The following LRR1 variants were observed in gnomAD, a reference collection of about 807,000 sequenced individuals.
The protein encoded by LRR1 is leucine rich repeat protein 1.
Under a neutral mutation model 31.6 loss-of-function variants are expected in LRR1, and 29 were observed. The observed-to-expected ratio is 0.92, with a 90% CI of 0.68 to 1.25. LRR1 has a LOEUF of 1.25. Ranked by LOEUF, LRR1 falls within the 50% of genes most tolerant of loss-of-function variation. The pLI is 0.00. For missense variants in LRR1, 485 were observed against 487.2 expected (o/e 1.00, Z 0.04); for synonymous variants, 179 against 181.4 (o/e 0.99, Z 0.10).
chr14:49,606,668 A>G (rs1174176596), intron 2 of LRR1, among the ~76,000 whole-genome samples: 1 of 111,184 alleles, frequency 9.0e-6, no homozygotes, highest in East Asian at 2.4e-4. Flanking sequence ...TTTTTTTTTT[A>G]ATTTTTCAGA....
At chr14:49,605,596 T>TAA (rs1188142652) in intron 2 of LRR1, among the ~76,000 whole-genome samples, 1 of 152,220 alleles carries the variant, frequency 6.6e-6, no homozygotes, top group Non-Finnish European at 1.5e-5. Context: ...ATAAAACTCT[T>TAA]TCTTTTCTTG....
intron 2 of LRR1, among the ~76,000 whole-genome samples, chr14:49,606,750 G>A (rs955092296): frequency 2.3e-4 from 35 of 150,436 alleles, no homozygotes; most frequent in Admixed American, 2.0e-3. Flanking sequence ...TCCGCCTCCC[G>A]GGTTCAAGCG....
At chr14:49,606,033 CTTTTTTTTTT>C (rs544111582) in intron 2 of LRR1, among the ~76,000 whole-genome samples, 1 of 124,470 alleles carries the variant, frequency 8.0e-6, no homozygotes, top group African/African-American at 3.1e-5. Context: ...TTTTTTTTTT[CTTTTTTTTTT>C]TTTTATATGG....
At chr14:49,608,718 T>TCTAA (rs1566496100) in intron 3 of LRR1, among the ~76,000 whole-genome samples, 1 of 151,766 alleles carries the variant, frequency 6.6e-6, no homozygotes. Context: ...AGATGCAGGT[T>TCTAA]CTAACATTCC....
At chr14:49,599,963 C>T (rs2139529950) in intron 1 of LRR1, 3 of 1,550,694 alleles carry the variant, frequency 1.9e-6, no homozygotes, top group East Asian at 2.3e-5. Flanking sequence ...TCCGGGGGGA[C>T]CATGCCCGGA....
chr14:49,604,188 C>T (rs1882200554), intron 2 of LRR1, among the ~76,000 whole-genome samples: 1 of 151,650 alleles, frequency 6.6e-6, no homozygotes, highest in Admixed American at 6.6e-5. Flanking sequence ...ACCTGTGGTG[C>T]CAGCTACTTG....
intron 2 of LRR1, among the ~76,000 whole-genome samples, chr14:49,605,226 G>A (rs1882236453): frequency 6.6e-6 from 1 of 152,126 alleles, no homozygotes; most frequent in African/African-American, 2.4e-5. Context: ...TCCAAGCAAA[G>A]TGCTCTGCAA....
intron 2 of LRR1, among the ~76,000 whole-genome samples, chr14:49,604,684 C>A (rs1012734093): frequency 6.6e-6 from 1 of 151,998 alleles, no homozygotes; most frequent in Non-Finnish European, 1.5e-5. Context: ...TAGAGCAAGA[C>A]CCTGTCTCAA....
rs373228685 is a variant in LRR1 at position 49,599,156 on chromosome 14, T to C, written c.136T>C (p.Phe46Leu). The change falls in exon 1 of 4, where the codon TTC (phenylalanine) becomes CTC (leucine). Residue 46 changes from phenylalanine (F) to leucine (L), a missense_variant. Physicochemically the swap from Phe to Leu is conservative, Grantham distance 22. Around this residue, in one of 3 missense-constraint regions of LRR1, gnomAD observed 260 missense variants for 249.6 expected, o/e 1.04. Transcript: ENST00000298288. ...CAGGAGTCAGCCGCCGGTCCGAGCC[T>C]TCCTGCTCATCTCCACCCTGAAGGA... is the stretch of plus-strand genomic sequence containing the variant. ...TSRSQPPVRAFLLISTLKDKR... is the reference protein window; with the variant it reads ...TSRSQPPVRALLLISTLKDKR... 1 of 1,609,000 alleles carries C rather than the reference T, an allele frequency of 6.2e-7. No individual in the cohort carries two copies. The highest frequency in any genetic ancestry group is 1.3e-5 in the African/African-American group (1 of 74,844).
chr14:49,608,563 A>G (rs2139547254), intron 3 of LRR1, among the ~76,000 whole-genome samples: 1 of 151,190 alleles, frequency 6.6e-6, no homozygotes, highest in South Asian at 2.1e-4. Context: ...TTTATTCTCC[A>G]CTATTTCCCT....
At position 49,607,990 on chromosome 14, in the gene LRR1, T is replaced by C; in HGVS notation, c.873T>C (p.Phe291=). 6.2e-7 allele frequency: 1 copy of C among 1,614,166 alleles called. No individual in the cohort carries two copies. The highest frequency in any genetic ancestry group is 8.5e-7 in the Non-Finnish European group (1 of 1,180,024). ...AGCTTCCATTTTTGCCTAGTGAATT[T>C]AGAAATTTATCCCTTGAATACTTGG... ...RNKLPFLPSE[F]RNLSLEYLDL... Residue 291 remains phenylalanine (F), a synonymous_variant, in exon 3 of 4, where the codon TTT becomes TTC. Transcript: ENST00000298288.
intron 3 of LRR1, among the ~76,000 whole-genome samples, chr14:49,611,923 CA>C (rs61699129): frequency 0.45 from 56,218 of 125,992 alleles, 10,644 homozygotes; most frequent in Middle Eastern, 0.53. Context: ...GACTGCGTCT[CA>C]AAAAAAAAAA....
intron 3 of LRR1, among the ~76,000 whole-genome samples, chr14:49,613,175 T>TA (rs1203879145): frequency 6.6e-6 from 1 of 151,510 alleles, no homozygotes; most frequent in Non-Finnish European, 1.5e-5. Context: ...CTGCCTCTAC[T>TA]AAAAATACAA....
At position 49,611,215 on chromosome 14, in the gene LRR1, G is replaced by A. The variant is rs113191441; in HGVS notation, c.1005-3041G>A. On this transcript the variant is annotated intron_variant, in intron 3 of 3. Coordinates refer to ENST00000298288, the MANE Select transcript of LRR1 (RefSeq NM_152329.4). ...CTGAAGGCCAGGTGCGGTGGCTCAC[G>A]CCTGTAACCCCAGCACTTTGGGAGA... Among the ~76,000 whole-genome samples the A allele has an allele frequency of 8.3e-3, 1,257 of 152,306 alleles. 15 individuals are homozygous for A. The highest frequency in any genetic ancestry group is 0.029 in the African/African-American group (1,196 of 41,572).
chr14:49,607,727 G>C lies in LRR1; in HGVS notation c.610G>C (p.Glu204Gln). Residue 204 changes from glutamate (E) to glutamine (Q), a missense_variant, in exon 3 of 4, where the codon GAA becomes CAA. This residue lies in a region of LRR1 where 260 missense variants were observed against 249.6 expected (regional missense o/e 1.04). Coordinates refer to ENST00000298288, the MANE Select transcript of LRR1 (RefSeq NM_152329.4). ...ATIGDLIHLQELNLNDNHLES... is the reference protein window; with the variant it reads ...ATIGDLIHLQQLNLNDNHLES... ...AATTGGAGACCTCATACACCTTCAA[G>C]AACTTAACCTGAATGACAATCACTT... 6.2e-7 allele frequency: 1 copy of C among 1,612,540 alleles called. No homozygotes were observed. Among genetic ancestry groups the C allele is most frequent in the South Asian group, 1.1e-5 (1 of 91,004 alleles).
At chr14:49,612,801 G>T (rs1216764234) in intron 3 of LRR1, among the ~76,000 whole-genome samples, 1 of 152,140 alleles carries the variant, frequency 6.6e-6, no homozygotes, top group African/African-American at 2.4e-5. Context: ...AAGACACCGT[G>T]TGGGAGGCAA....
intron 1 of LRR1, chr14:49,601,629 T>C (rs574670768): frequency 3.9e-6 from 5 of 1,289,612 alleles, no homozygotes; most frequent in African/African-American, 3.0e-5. Flanking sequence ...CACCCCAGGC[T>C]AATGGACTGA....
At chr14:49,613,800 G>A (rs1466823174) in intron 3 of LRR1, among the ~76,000 whole-genome samples, 1 of 152,178 alleles carries the variant, frequency 6.6e-6, no homozygotes, top group Non-Finnish European at 1.5e-5. Context: ...GTGTCAAAGC[G>A]AGACTCTGTC....
intron 2 of LRR1, among the ~76,000 whole-genome samples, chr14:49,605,450 T>G (rs1882243720): frequency 6.6e-6 from 1 of 152,242 alleles, no homozygotes; most frequent in African/African-American, 2.4e-5. Flanking sequence ...CCACTTTTTA[T>G]CTTTTGACCT....
Sources: gnomAD v4.1 joint callset for allele counts (sites outside exome capture counted in the v4.1 genomes callset) on GRCh38, gnomAD v4.1.1 for gene constraint, gnomAD v4.1.1 regional missense constraint, MANE v1.5 for transcripts, NCBI Gene and HGNC (gene_info 2026-07-23, HGNC 2026-07-21) for gene names.